The following SLC7A5 variants were observed in gnomAD, a reference collection of about 807,000 sequenced individuals.
SLC7A5 encodes the protein solute carrier family 7 member 5, also known as large neutral amino acids transporter small subunit 1.
SLC7A5 carries 23 observed loss-of-function variants against 50.2 expected under a neutral mutation model. The ratio of observed to expected loss-of-function variants is 0.46; its 90% CI spans 0.33 to 0.65. The LOEUF is 0.65. Ranked by LOEUF, SLC7A5 falls within the 30% of genes least tolerant of loss-of-function variation. The pLI, the probability that SLC7A5 is intolerant of heterozygous loss-of-function variation, is 0.02. For synonymous variants in SLC7A5, 393 were observed against 330.6 expected (o/e 1.19, Z -2.05); for missense variants, 578 against 684.4 (o/e 0.84, Z 1.73).
At chr16:87,859,769 T>C (rs1457577859) in intron 1 of SLC7A5, among the ~76,000 whole-genome samples, 1 of 151,332 alleles carries the variant, frequency 6.6e-6, no homozygotes, top group Non-Finnish European at 1.5e-5. Context: ...AGAAACCCCA[T>C]CTCTACTAAA....
rs774041254 is a variant in SLC7A5, at chr16:87,833,376, G to A, written c.1469-351C>T. 6.6e-6 allele frequency among the ~76,000 whole-genome samples: 1 copy of A among 152,220 alleles called. No homozygotes were observed. The highest frequency in any genetic ancestry group is 1.5e-5 in the Non-Finnish European group (1 of 68,038). On this transcript the variant is annotated intron_variant, in intron 9 of 9. Transcript: ENST00000261622. The surrounding 1 kb of genome is among the most constrained non-coding windows in gnomAD (Gnocchi z 6.0). ...CAGGCCTTCCTGCAGGTCCACACCCGGGCCACCACCTGGACACATGCCTGG... is the reference window on the plus strand; with the variant it reads ...CAGGCCTTCCTGCAGGTCCACACCCAGGCCACCACCTGGACACATGCCTGG...
At chr16:87,868,111 G>C (rs2055485879) in intron 1 of SLC7A5, among the ~76,000 whole-genome samples, 1 of 124,362 alleles carries the variant, frequency 8.0e-6, no homozygotes, top group South Asian at 2.7e-4. Context: ...GCGGGACTCA[G>C]TGTCAAAAAA....
At chr16:87,847,646 C>G (rs1469999107) in intron 2 of SLC7A5, among the ~76,000 whole-genome samples, 1 of 152,180 alleles carries the variant, frequency 6.6e-6, no homozygotes, top group Non-Finnish European at 1.5e-5. Context: ...GCTGTCCACC[C>G]GAACGCACCT....
chr16:87,849,687 G>A (rs1032727237), intron 2 of SLC7A5, among the ~76,000 whole-genome samples: 4 of 152,090 alleles, frequency 2.6e-5, no homozygotes, highest in East Asian at 1.9e-4. Context: ...CTGAGTGCCC[G>A]GGAGCCATGG....
intron 1 of SLC7A5, among the ~76,000 whole-genome samples, chr16:87,864,586 G>A (rs57652939): frequency 1.1e-3 from 173 of 152,302 alleles, no homozygotes; most frequent in African/African-American, 3.8e-3. Context: ...CCACCTCTGC[G>A]ACAGCACTCC....
At position 87,840,289 on chromosome 16, in the gene SLC7A5, C is replaced by T. The variant is rs33923233; in HGVS notation, c.815+140G>A. The T allele has an allele frequency of 7.7e-5, 60 of 776,012 alleles. No individual in the cohort carries two copies. The African/African-American group carries it at 8.4e-4, about 11-fold the overall frequency. The allele number at this position is 776,012 out of a possible 1,614,324, so 48.1% of individuals were successfully genotyped here. The stretch of plus-strand genomic sequence containing the variant: ...GGCCAGAAGCCACCCGCCCCACATC[C>T]TGCTGGCCCCAGAGGCCCCAATCAC... On this transcript the variant is annotated intron_variant, in intron 4 of 9. Coordinates refer to ENST00000261622, the MANE Select transcript of SLC7A5 (RefSeq NM_003486.7).
chr16:87,861,411 G>T lies in SLC7A5; in HGVS notation c.538+7474C>A, dbSNP rs779337822. Among the ~76,000 whole-genome samples the T allele has an allele frequency of 6.6e-5, 10 of 152,180 alleles. No homozygotes were observed. The highest frequency in any genetic ancestry group is 5.2e-4 in the Admixed American group (8 of 15,292). ...CTGGCACCCACCAGACTCCCCAGGC[G>T]TGGCTTTGTGCTCCCCTATGCCTGA... is the stretch of plus-strand genomic sequence containing the variant. On this transcript the variant is annotated intron_variant, in intron 1 of 9. Transcript: ENST00000261622. This position sits in a 1 kb window ranked among gnomAD's most constrained non-coding sequence, Gnocchi z 4.2.
chr16:87,862,680 C>T lies in SLC7A5; in HGVS notation c.538+6205G>A, dbSNP rs1597518228. The stretch of plus-strand genomic sequence containing the variant: ...GGCACGTGGAGGGACGGTCACAGCC[C>T]GTGCAACTGGCACCTTCACACGCAG... On this transcript the variant is annotated intron_variant, in intron 1 of 9. Transcript: ENST00000261622. This position sits in a 1 kb window ranked among gnomAD's most constrained non-coding sequence, Gnocchi z 5.3. Among the ~76,000 whole-genome samples the T allele has an allele frequency of 2.0e-5, 3 of 152,320 alleles. No homozygotes were observed. The highest frequency in any genetic ancestry group is 1.5e-5 in the Non-Finnish European group (1 of 68,022).
chr16:87,834,347 G>C lies in SLC7A5; in HGVS notation c.1468+67C>G, dbSNP rs572401135. The C allele has an allele frequency of 4.9e-4, 726 of 1,493,148 alleles. 5 individuals are homozygous for C. The highest frequency in any genetic ancestry group is 1.2e-4 in the Non-Finnish European group (136 of 1,095,206). The allele number at this position is 1,493,148 out of a possible 1,614,324, so 92.5% of individuals were successfully genotyped here. ...CCCCATGTGGGTGGAGACGGCCGAC[G>C]CCTCTCAACTCCCTTCGCTGCCCAG... On this transcript the variant is annotated intron_variant, in intron 9 of 9. Transcript: ENST00000261622.
chr16:87,862,644 C>T lies in SLC7A5; in HGVS notation c.538+6241G>A, dbSNP rs1469221959. 2.8e-4 allele frequency among the ~76,000 whole-genome samples: 42 copies of T among 152,246 alleles called. No individual in the cohort carries two copies. Among genetic ancestry groups the T allele is most frequent in the Non-Finnish European group, 2.5e-4 (17 of 68,046 alleles). ...AGGGCTGCTCCATGTGCACAGTGAG[C>T]AGGAGATACAGGCACGTGGAGGGAC... is the stretch of plus-strand genomic sequence containing the variant. On this transcript the variant is annotated intron_variant, in intron 1 of 9. Coordinates refer to ENST00000261622, the MANE Select transcript of SLC7A5 (RefSeq NM_003486.7). The surrounding 1 kb of genome is among the most constrained non-coding windows in gnomAD (Gnocchi z 5.3).
At chr16:87,850,272 C>A (rs1010549238) in intron 2 of SLC7A5, among the ~76,000 whole-genome samples, 2 of 152,234 alleles carry the variant, frequency 1.3e-5, no homozygotes, top group Admixed American at 6.5e-5. Context: ...AGCCTCCCAG[C>A]CCTGAGGCAG....
At position 87,840,586 on chromosome 16, in the gene SLC7A5, G is replaced by A. The variant is rs1204538550; in HGVS notation, c.771-113C>T. On this transcript the variant is annotated intron_variant, in intron 3 of 9. Coordinates refer to ENST00000261622, the MANE Select transcript of SLC7A5 (RefSeq NM_003486.7). ...GAGCCTGCCCCCCGGTGGTCTGCTC[G>A]CTGGGCTGGAAAGCGGACCTGGAGT... 2.5e-5 allele frequency: 23 copies of A among 904,656 alleles called. No individual in the cohort carries two copies. The Admixed American group carries it at 3.3e-4, about 13-fold the overall frequency. The allele number at this position is 904,656 out of a possible 1,614,324, so 56.0% of individuals were successfully genotyped here. A position where few individuals can be genotyped will look rare whatever the true frequency, so the allele number is the denominator to read the frequency against.
rs187445861 is a variant in SLC7A5 at position 87,852,814 on chromosome 16, G to T, written c.539-965C>A. ...GCCACTATTCAGGGATCTGTGAGCT[G>T]GTGGGGAAACAGCCACCCCCACAAC... On this transcript the variant is annotated intron_variant, in intron 1 of 9. Transcript: ENST00000261622. This position sits in a 1 kb window ranked among gnomAD's most constrained non-coding sequence, Gnocchi z 4.5. 6.6e-6 allele frequency among the ~76,000 whole-genome samples: 1 copy of T among 151,944 alleles called. No homozygotes were observed. Among genetic ancestry groups the T allele is most frequent in the African/African-American group, 2.4e-5 (1 of 41,324 alleles).
rs544505317 is a variant in SLC7A5, at chr16:87,853,229, C to T, written c.539-1380G>A. On this transcript the variant is annotated intron_variant, in intron 1 of 9. Transcript: ENST00000261622. The surrounding 1 kb of genome is among the most constrained non-coding windows in gnomAD (Gnocchi z 4.4). ...ATCTTACAATGTAAGCAACAGACCC[C>T]GAGGAAAGACATCCATGCTAATTAA... is the stretch of plus-strand genomic sequence containing the variant. 5.9e-5 allele frequency among the ~76,000 whole-genome samples: 9 copies of T among 152,296 alleles called. No homozygotes were observed. The highest frequency in any genetic ancestry group is 1.2e-4 in the Non-Finnish European group (8 of 68,018).
rs995661612 is a variant in SLC7A5, at chr16:87,853,430, T to C, written c.539-1581A>G. On this transcript the variant is annotated intron_variant, in intron 1 of 9. Coordinates refer to ENST00000261622, the MANE Select transcript of SLC7A5 (RefSeq NM_003486.7). The surrounding 1 kb of genome is among the most constrained non-coding windows in gnomAD (Gnocchi z 4.4). Reference sequence around the variant, plus strand: ...AGTGTTTTCGCTGCTATTCCTAAAATAAAATACTTGAAATTCCGGAACTTC... The same window carrying C: ...AGTGTTTTCGCTGCTATTCCTAAAACAAAATACTTGAAATTCCGGAACTTC... Among the ~76,000 whole-genome samples, 3 of 152,156 alleles carry C rather than the reference T, an allele frequency of 2.0e-5. No individual in the cohort carries two copies. Among genetic ancestry groups the C allele is most frequent in the African/African-American group, 7.2e-5 (3 of 41,426 alleles).
chr16:87,849,140 G>A (rs969453374), intron 2 of SLC7A5, among the ~76,000 whole-genome samples: 11 of 152,238 alleles, frequency 7.2e-5, no homozygotes, highest in African/African-American at 2.4e-4. Context: ...GCAAAATTGA[G>A]GCCGGAGTCT....
chr16:87,844,561 C>A (rs1192760931), intron 2 of SLC7A5, among the ~76,000 whole-genome samples: 1 of 152,250 alleles, frequency 6.6e-6, no homozygotes, highest in East Asian at 1.9e-4. Flanking sequence ...CTCTGTGATG[C>A]GGCCAACCCT....
In SLC7A5 at chr16:87,862,116, G is replaced by A. The variant is rs1445010733; in HGVS notation, c.538+6769C>T. Among the ~76,000 whole-genome samples the A allele has an allele frequency of 6.6e-6, 1 of 152,178 alleles. No individual in the cohort carries two copies. Among genetic ancestry groups the A allele is most frequent in the Non-Finnish European group, 1.5e-5 (1 of 68,024 alleles). ...GTTTTACACAGGCCTGGACTGAGAA[G>A]TGGGGCTACAGGCTACAGGTGCTTG... On this transcript the variant is annotated intron_variant, in intron 1 of 9. Coordinates refer to ENST00000261622, the MANE Select transcript of SLC7A5 (RefSeq NM_003486.7). This position sits in a 1 kb window ranked among gnomAD's most constrained non-coding sequence, Gnocchi z 5.3.
At position 87,867,681 on chromosome 16, in the gene SLC7A5, T is replaced by C. The variant is rs147867527; in HGVS notation, c.538+1204A>G. ...ATAAATTAGCCCTTCCCACCTTGAA[T>C]GTGTACACACACTATTGAGATGCAG... On this transcript the variant is annotated intron_variant, in intron 1 of 9. Coordinates refer to ENST00000261622, the MANE Select transcript of SLC7A5 (RefSeq NM_003486.7). 1.6e-3 allele frequency among the ~76,000 whole-genome samples: 246 copies of C among 152,182 alleles called. 4 individuals are homozygous for C. In the East Asian group the frequency reaches 0.04, roughly 25 times the overall value.
Sources: allele counts gnomAD v4.1 joint callset (sites outside exome capture counted in the v4.1 genomes callset), GRCh38; gene constraint gnomAD v4.1.1; non-coding constraint Gnocchi (gnomAD v3.1); transcripts MANE v1.5; gene names NCBI Gene and HGNC (gene_info 2026-07-23, HGNC 2026-07-21).